The following SLC8A3 variants were observed in gnomAD, a reference collection of about 807,000 sequenced individuals.
SLC8A3 encodes the protein solute carrier family 8 member A3.
In SLC8A3, 37 loss-of-function variants were observed where a neutral mutation model predicts 65.4. That is an observed-to-expected ratio of 0.57 (90% confidence interval 0.44 to 0.74). SLC8A3 has a LOEUF of 0.74. Ranked by LOEUF, SLC8A3 falls within the 30% of genes least tolerant of loss-of-function variation. The pLI is 0.00. For missense variants in SLC8A3, 1,112 were observed against 1,172.1 expected, an observed-to-expected ratio of 0.95 and a Z score of 0.75; for synonymous variants, 461 against 444.5, an observed-to-expected ratio of 1.04 and a Z score of -0.47.
rs970214179 is a variant in SLC8A3 at position 70,092,397 on chromosome 14, G to A, written c.1785-31458C>T. ...CACCCTGCCCCTGTCATGCCTCTCA[G>A]GGCTCTTGTGTTGCAGAGCTGGCAG... is the stretch of plus-strand genomic sequence containing the variant. On this transcript the variant is annotated intron_variant, in intron 2 of 6. Coordinates refer to ENST00000356921, the MANE Select transcript of SLC8A3 (RefSeq NM_182932.3). Among the ~76,000 whole-genome samples, 4 of 152,178 alleles carry A rather than the reference G, an allele frequency of 2.6e-5. No individual in the cohort carries two copies. The Middle Eastern group carries it at 0.014, about 518-fold the overall frequency.
In SLC8A3 at chr14:70,124,414, C is replaced by T. The variant is rs1894297832; in HGVS notation, c.1784+42225G>A. 1.3e-5 allele frequency among the ~76,000 whole-genome samples: 2 copies of T among 152,244 alleles called. 1 individual carries two copies. Among genetic ancestry groups the T allele is most frequent in the Admixed American group, 1.3e-4 (2 of 15,290 alleles). On this transcript the variant is annotated intron_variant, in intron 2 of 6. Coordinates refer to ENST00000356921, the MANE Select transcript of SLC8A3 (RefSeq NM_182932.3). Reference sequence around the variant, plus strand: ...ACTGCTTTACTCAATCAGCCCTTCTCCTTCACTGCTTCTCACATTGTCCCT... The same window carrying T: ...ACTGCTTTACTCAATCAGCCCTTCTTCTTCACTGCTTCTCACATTGTCCCT...
At position 70,044,876 on chromosome 14, in the gene SLC8A3, A is replaced by AAAT. The variant is rs1886583519; in HGVS notation, c.*1068_*1070dup. 2 of 152,224 alleles carry AAAT rather than the reference A, an allele frequency of 1.3e-5. No homozygotes were observed. The highest frequency in any genetic ancestry group is 6.5e-5 in the Admixed American group (1 of 15,292). 9.4% of individuals were successfully genotyped at this position (152,224 alleles called of 1,614,324 possible). A position where few individuals can be genotyped will look rare whatever the true frequency, so the allele number is the denominator to read the frequency against. Reference sequence around the variant, plus strand: ...CATTTCTCAGGCACATTGACATTTAAAATACAAACTTTTCTCTTAAAGATC... The same window carrying AAAT: ...CATTTCTCAGGCACATTGACATTTAAAATAATACAAACTTTTCTCTTAAAGATC... On this transcript the variant is annotated 3_prime_UTR_variant, in exon 7 of 7. Transcript: ENST00000356921.
intron 2 of SLC8A3, among the ~76,000 whole-genome samples, chr14:70,104,903 A>AG (rs149543864): frequency 6.6e-6 from 1 of 152,202 alleles, no homozygotes; most frequent in Non-Finnish European, 1.5e-5. Context: ...AGAAAAAAAA[A>AG]TGAACAAATT....
At chr14:70,118,382 AACCCTTTAC>A (rs1893802113) in intron 2 of SLC8A3, among the ~76,000 whole-genome samples, 2 of 152,188 alleles carry the variant, frequency 1.3e-5, no homozygotes, top group African/African-American at 4.8e-5. Flanking sequence ...CGTGAACAAG[AACCCTTTAC>A]ACCAGAGGAA....
intron 2 of SLC8A3, among the ~76,000 whole-genome samples, chr14:70,084,548 C>G (rs756090126): frequency 2.0e-5 from 3 of 152,212 alleles, no homozygotes; most frequent in Non-Finnish European, 2.9e-5. Context: ...AGTGACCAGA[C>G]AGAACACTTA....
chr14:70,180,648 T>C (rs1225711830), intron 1 of SLC8A3, among the ~76,000 whole-genome samples: 1 of 151,846 alleles, frequency 6.6e-6, no homozygotes, highest in Non-Finnish European at 1.5e-5. Flanking sequence ...CTGAGCAGAG[T>C]GGTTTTACTA....
chr14:70,146,563 G>A (rs1895939923), intron 2 of SLC8A3, among the ~76,000 whole-genome samples: 1 of 151,862 alleles, frequency 6.6e-6, no homozygotes, highest in African/African-American at 2.4e-5. Flanking sequence ...ATGACTTGAG[G>A]AAAAAAATAA....
intron 6 of SLC8A3, chr14:70,047,627 G>T (rs1295209062): frequency 6.6e-6 from 1 of 152,248 alleles, no homozygotes; most frequent in Non-Finnish European, 1.5e-5. Flanking sequence ...TGTGAATTCA[G>T]CTACTCTCTT....
At chr14:70,155,618 CTA>C (rs1051452396) in intron 2 of SLC8A3, among the ~76,000 whole-genome samples, 3 of 152,192 alleles carry the variant, frequency 2.0e-5, no homozygotes, top group Admixed American at 2.0e-4. Context: ...AAGTGGAATT[CTA>C]TGTTTTCATA....
intron 2 of SLC8A3, among the ~76,000 whole-genome samples, chr14:70,079,262 T>G (rs368193690): frequency 9.7e-5 from 14 of 144,954 alleles, no homozygotes; most frequent in African/African-American, 3.4e-4. Context: ...GGTGGGTGGA[T>G]CACTTGGGGT....
chr14:70,157,673 A>G (rs1468887161), intron 2 of SLC8A3, among the ~76,000 whole-genome samples: 1 of 152,218 alleles, frequency 6.6e-6, no homozygotes, highest in Non-Finnish European at 1.5e-5. Flanking sequence ...AGAGCACTGG[A>G]GACAGAAAGC....
In SLC8A3 at chr14:70,051,972, C is replaced by A; in HGVS notation, c.2013+18G>T. Reference sequence around the variant, plus strand: ...TTAATTTATTTATTATTCAATTAGACCTCACTGTTTGCCTGACCTTGAACT... The same window carrying A: ...TTAATTTATTTATTATTCAATTAGAACTCACTGTTTGCCTGACCTTGAACT... On this transcript the variant is annotated intron_variant, in intron 4 of 6. Transcript: ENST00000356921. The A allele has an allele frequency of 6.2e-7, 1 of 1,608,752 alleles. No individual in the cohort carries two copies. The highest frequency in any genetic ancestry group is 8.5e-7 in the Non-Finnish European group (1 of 1,175,846).
chr14:70,079,330 CAAA>C (rs11464342), intron 2 of SLC8A3, among the ~76,000 whole-genome samples: 57 of 80,916 alleles, frequency 7.0e-4, no homozygotes, highest in African/African-American at 2.5e-3. Flanking sequence ...CTAAAAAATA[CAAA>C]AAAAAAAAAA....
At chr14:70,151,410 C>T (rs1428998521) in intron 2 of SLC8A3, among the ~76,000 whole-genome samples, 1 of 152,176 alleles carries the variant, frequency 6.6e-6, no homozygotes, top group East Asian at 1.9e-4. Flanking sequence ...CAACCCTCAT[C>T]TACTTGCAAA....
In SLC8A3 at chr14:70,064,231, C is replaced by A. The variant is rs1459707; in HGVS notation, c.1785-3292G>T. 0.38 allele frequency among the ~76,000 whole-genome samples: 57,322 copies of A among 151,984 alleles called. 10,772 individuals carry two copies. The highest frequency in any genetic ancestry group is 0.45 in the East Asian group (2,305 of 5,164). On this transcript the variant is annotated intron_variant, in intron 2 of 6. Coordinates refer to ENST00000356921, the MANE Select transcript of SLC8A3 (RefSeq NM_182932.3). Reference sequence around the variant, plus strand: ...TGGATAGGCTGTGTAATCTTGGATACATAATTTAACTGATAAACAAACAGG... The same window carrying A: ...TGGATAGGCTGTGTAATCTTGGATAAATAATTTAACTGATAAACAAACAGG...
At chr14:70,070,910 T>A (rs188497051) in intron 2 of SLC8A3, among the ~76,000 whole-genome samples, 2 of 152,358 alleles carry the variant, frequency 1.3e-5, no homozygotes, top group Non-Finnish European at 2.9e-5. Flanking sequence ...AATTTCAGGC[T>A]ACTAATAGTT....
At chr14:70,171,258 T>C (rs1033968322) in intron 1 of SLC8A3, among the ~76,000 whole-genome samples, 2 of 152,150 alleles carry the variant, frequency 1.3e-5, no homozygotes, top group African/African-American at 4.8e-5. Flanking sequence ...AGAGCCGGTC[T>C]TCCAGAGTGA....
intron 2 of SLC8A3, among the ~76,000 whole-genome samples, chr14:70,073,770 A>T (rs544165576): frequency 1.4e-4 from 21 of 152,336 alleles, no homozygotes; most frequent in African/African-American, 5.1e-4. Flanking sequence ...CACGTGAAAC[A>T]CTGGGTCCAA....
Position 70,167,489 on chromosome 14 carries a change from A to G in SLC8A3, c.934T>C (p.Ser312Pro), listed in dbSNP as rs1897245054. 6.2e-7 allele frequency: 1 copy of G among 1,613,646 alleles called. No individual in the cohort carries two copies. Among genetic ancestry groups the G allele is most frequent in the Non-Finnish European group, 8.5e-7 (1 of 1,179,932 alleles). Residue 312 changes from serine to proline, a missense_variant, in exon 2 of 7, where the codon TCC (serine) becomes CCC (proline). Physicochemically the swap from Ser to Pro is moderately conservative, Grantham distance 74. Coordinates refer to ENST00000356921, the MANE Select transcript of SLC8A3 (RefSeq NM_182932.3). ...VPLEGKEVDE[S>P]RREMIRILKD... ...AGAATCCGGATCATCTCTCTGCGGG[A>G]CTCATCCACTTCCTTCCCTTCCAGG... is the stretch of plus-strand genomic sequence containing the variant.
Sources: gnomAD v4.1 joint callset for allele counts (sites outside exome capture counted in the v4.1 genomes callset) on GRCh38, gnomAD v4.1.1 for gene constraint, MANE v1.5 for transcripts, NCBI Gene and HGNC (gene_info 2026-07-23, HGNC 2026-07-21) for gene names.